RAB38: variants seen among roughly 807,000 people sequenced by gnomAD.
RAB38 encodes the protein ras-related protein Rab-38.
RAB38 carries 15 observed loss-of-function variants against 18.4 expected under a neutral mutation model. The ratio of observed to expected loss-of-function variants is 0.82; its 90% confidence interval spans 0.55 to 1.26. The LOEUF (loss-of-function observed/expected upper bound fraction) is 1.26. RAB38 is among the 50% of genes most tolerant of loss of function. The pLI, the probability that RAB38 is intolerant of heterozygous loss-of-function variation, is 0.00. For synonymous variants in RAB38, 101 were observed against 104.4 expected (o/e 0.97, Z 0.20); for missense variants, 294 against 267.4 (o/e 1.10, Z -0.69).
the RAB38 span, among the ~76,000 whole-genome samples, chr11:88,056,028 T>A: frequency 6.6e-6 from 1 of 151,972 alleles, no homozygotes; most frequent in Non-Finnish European, 1.5e-5. Flanking sequence ...CGTGTGTGTG[T>A]GTGTGTGGTG....
the RAB38 span, among the ~76,000 whole-genome samples, chr11:87,878,222 T>TATACAC: frequency 1.0e-4 from 12 of 116,206 alleles, 2 homozygotes; most frequent in East Asian, 4.6e-4. Context: ...TATATATATA[T>TATACAC]ACACACATAT....
the RAB38 span, among the ~76,000 whole-genome samples, chr11:87,850,048 A>G: frequency 2.6e-5 from 4 of 152,214 alleles, no homozygotes; most frequent in East Asian, 3.9e-4. Flanking sequence ...GCACTTCACT[A>G]TAAGTACACA....
At chr11:87,977,835 T>G in the RAB38 span, among the ~76,000 whole-genome samples, 3 of 105,256 alleles carry the variant, frequency 2.9e-5, no homozygotes, top group Non-Finnish European at 5.3e-5. Context: ...TCCTATATAA[T>G]CATGTATATT....
chr11:88,167,054 T>A (rs567884844), intron 1 of RAB38: 1 of 152,158 alleles, frequency 6.6e-6, no homozygotes, highest in South Asian at 2.1e-4. Flanking sequence ...AATGCAATAG[T>A]AAACTATTTC....
chr11:87,838,107 A>G, the RAB38 span, among the ~76,000 whole-genome samples: 1 of 147,778 alleles, frequency 6.8e-6, no homozygotes, highest in African/African-American at 2.5e-5. Context: ...TTCTTTTTTT[A>G]TTTTTATTTT....
At chr11:88,127,570 G>A (rs1201447701) in intron 2 of RAB38, among the ~76,000 whole-genome samples, 1 of 152,132 alleles carries the variant, frequency 6.6e-6, no homozygotes, top group East Asian at 1.9e-4. Flanking sequence ...TACCCTGTGT[G>A]TTTTTTATAC....
At chr11:87,883,023 C>A in the RAB38 span, among the ~76,000 whole-genome samples, 5 of 151,728 alleles carry the variant, frequency 3.3e-5, no homozygotes, top group Non-Finnish European at 5.9e-5. Context: ...TTTTTTTAGT[C>A]CTGTATGTTA....
the RAB38 span, among the ~76,000 whole-genome samples, chr11:87,825,878 A>G: frequency 6.6e-6 from 1 of 152,216 alleles, no homozygotes; most frequent in Non-Finnish European, 1.5e-5. Flanking sequence ...TTAACTTCAG[A>G]GGACTAAATG....
chr11:87,946,962 C>T, the RAB38 span, among the ~76,000 whole-genome samples: 1 of 151,866 alleles, frequency 6.6e-6, no homozygotes, highest in Non-Finnish European at 1.5e-5. Flanking sequence ...TGAGGAATCG[C>T]CACACTGACT....
the RAB38 span, among the ~76,000 whole-genome samples, chr11:88,056,803 C>CAATA: frequency 0.2 from 24,515 of 120,752 alleles, 2,983 homozygotes; most frequent in African/African-American, 0.36. Context: ...GACTCCGTCT[C>CAATA]AATAAATAAA....
the RAB38 span, among the ~76,000 whole-genome samples, chr11:87,960,561 A>G: frequency 6.6e-6 from 1 of 152,110 alleles, no homozygotes; most frequent in Non-Finnish European, 1.5e-5. Context: ...CTCACACTCT[A>G]TGAGGTAATT....
chr11:88,023,262 G>A, the RAB38 span, among the ~76,000 whole-genome samples: 1 of 151,070 alleles, frequency 6.6e-6, no homozygotes. Flanking sequence ...TATCCCAAAG[G>A]CAAAAATCTG....
the RAB38 span, among the ~76,000 whole-genome samples, chr11:87,843,639 G>T: frequency 6.6e-6 from 1 of 152,158 alleles, no homozygotes; most frequent in African/African-American, 2.4e-5. Context: ...AGATAATTTT[G>T]TATGTGTTAC....
At chr11:88,154,153 G>C (rs1943097337) in intron 1 of RAB38, among the ~76,000 whole-genome samples, 1 of 152,242 alleles carries the variant, frequency 6.6e-6, no homozygotes, top group South Asian at 2.1e-4. Context: ...GAGCTAACTT[G>C]TGGAGTTTCT....
At chr11:87,882,618 T>G in the RAB38 span, among the ~76,000 whole-genome samples, 4 of 151,840 alleles carry the variant, frequency 2.6e-5, no homozygotes, top group Non-Finnish European at 5.9e-5. Flanking sequence ...GTCCTCAAAA[T>G]ATAATAGGGA....
chr11:87,869,755 C>T, the RAB38 span, among the ~76,000 whole-genome samples: 18 of 151,722 alleles, frequency 1.2e-4, no homozygotes, highest in East Asian at 3.5e-3. Context: ...CCCATCTACA[C>T]AACACAGCCC....
the RAB38 span, among the ~76,000 whole-genome samples, chr11:87,973,213 C>A: frequency 2.0e-5 from 3 of 152,026 alleles, no homozygotes; most frequent in East Asian, 5.8e-4. Context: ...AATAAACAAG[C>A]AAATGATCAT....
the RAB38 span, among the ~76,000 whole-genome samples, chr11:88,066,385 C>T: frequency 1.6e-4 from 25 of 152,202 alleles, no homozygotes; most frequent in Non-Finnish European, 2.9e-4. Flanking sequence ...GGGATAGATA[C>T]GTTTTCTGCG....
the RAB38 span, among the ~76,000 whole-genome samples, chr11:88,107,345 G>A: frequency 1.3e-5 from 2 of 151,786 alleles, no homozygotes; most frequent in Non-Finnish European, 2.9e-5. Context: ...TTTACCCTAG[G>A]GTCCCATATT....
Sources: gnomAD v4.1 joint callset for allele counts (sites outside exome capture counted in the v4.1 genomes callset) on GRCh38, gnomAD v4.1.1 for gene constraint, MANE v1.5 for transcripts, NCBI Gene and HGNC (gene_info 2026-07-23, HGNC 2026-07-21) for gene names.